Variants in SLC22A23 observed in about 807,000 individuals in gnomAD.
SLC22A23 encodes the protein ion transporter protein.
SLC22A23 carries 26 observed loss-of-function variants against 61.0 expected under a neutral mutation model. The ratio of observed to expected loss-of-function variants is 0.43; its 90% CI spans 0.31 to 0.59. The LOEUF is 0.59. Among genes scored for constraint, SLC22A23 ranks in the 20% least tolerant of loss-of-function variants. The pLI, the probability that SLC22A23 is intolerant of heterozygous loss-of-function variation, is 0.11. For synonymous variants in SLC22A23, 430 were observed against 413.9 expected, an observed-to-expected ratio of 1.04 and a Z score of -0.47; for missense variants, 796 against 934.7, an observed-to-expected ratio of 0.85 and a Z score of 1.94.
Position 3,410,181 on chromosome 6 carries a change from T to C in SLC22A23, c.913+7A>G. ...TTTCAAGACTAGTCGTGAAGGCTCC[T>C]ACTTACGTAAAGCATACAAGGTGAG... On this transcript the variant is annotated splice_region_variant and intron_variant, in intron 3 of 9. Transcript: ENST00000406686. The surrounding 1 kb of genome is among the most constrained non-coding windows in gnomAD (Gnocchi z 5.0). The C allele has an allele frequency of 6.2e-7, 1 of 1,605,618 alleles. No individual in the cohort carries two copies. Among genetic ancestry groups the C allele is most frequent in the Non-Finnish European group, 8.5e-7 (1 of 1,176,958 alleles).
Position 3,286,023 on chromosome 6 carries a change from G to C in SLC22A23, c.1546+836C>G, listed in dbSNP as rs1001189275. ...ATGCTGTGGTGGTTTGTCCATACAC[G>C]GGAATGGGTATTTGTTGGTGAGGAG... is the stretch of plus-strand genomic sequence containing the variant. On this transcript the variant is annotated intron_variant, in intron 7 of 9. Transcript: ENST00000406686. The surrounding 1 kb of genome is among the most constrained non-coding windows in gnomAD (Gnocchi z 4.2). Among the ~76,000 whole-genome samples, 1 of 152,136 alleles carries C rather than the reference G, an allele frequency of 6.6e-6. No homozygotes were observed. Among genetic ancestry groups the C allele is most frequent in the Non-Finnish European group, 1.5e-5 (1 of 68,012 alleles).
chr6:3,415,205 C>T (rs1186722227), intron 2 of SLC22A23, among the ~76,000 whole-genome samples: 2 of 152,182 alleles, frequency 1.3e-5, no homozygotes, highest in East Asian at 1.9e-4. Flanking sequence ...GCCCACAGCG[C>T]CCATCTGTAT....
intron 5 of SLC22A23, among the ~76,000 whole-genome samples, chr6:3,295,253 C>T (rs986235019): frequency 3.3e-5 from 5 of 152,202 alleles, no homozygotes; most frequent in Non-Finnish European, 7.3e-5. Context: ...GAAGTTGTAA[C>T]AGTGAATAAC....
At chr6:3,376,883 T>C (rs1766604827) in intron 3 of SLC22A23, among the ~76,000 whole-genome samples, 1 of 151,944 alleles carries the variant, frequency 6.6e-6, no homozygotes. Flanking sequence ...TCTGAGTTGG[T>C]CCCTGAGAAA....
chr6:3,326,845 C>T (rs1159120213), intron 3 of SLC22A23, among the ~76,000 whole-genome samples: 2 of 152,226 alleles, frequency 1.3e-5, no homozygotes, highest in African/African-American at 4.8e-5. Flanking sequence ...GATTAAGAAA[C>T]TGCAGGCACT....
intron 3 of SLC22A23, among the ~76,000 whole-genome samples, chr6:3,346,307 C>A (rs1316990227): frequency 1.3e-5 from 2 of 152,150 alleles, no homozygotes; most frequent in Non-Finnish European, 2.9e-5. Context: ...GCTGCAATCA[C>A]CCCTGCCCCT....
At chr6:3,400,295 A>C (rs1451609594) in intron 3 of SLC22A23, among the ~76,000 whole-genome samples, 1 of 152,182 alleles carries the variant, frequency 6.6e-6, no homozygotes, top group African/African-American at 2.4e-5. Context: ...CCCACCCACC[A>C]GTTATTCTGC....
At chr6:3,361,809 C>T (rs770861651) in intron 3 of SLC22A23, among the ~76,000 whole-genome samples, 11 of 152,216 alleles carry the variant, frequency 7.2e-5, no homozygotes, top group South Asian at 2.1e-4. Context: ...AAGGCCTCCA[C>T]GGCTGGGACA....
chr6:3,356,423 G>T lies in SLC22A23; in HGVS notation c.914-32421C>A, dbSNP rs544047164. Among the ~76,000 whole-genome samples the T allele has an allele frequency of 2.6e-5, 4 of 152,038 alleles. No homozygotes were observed. The East Asian group carries it at 7.8e-4, about 30-fold the overall frequency. On this transcript the variant is annotated intron_variant, in intron 3 of 9. Coordinates refer to ENST00000406686, the MANE Select transcript of SLC22A23 (RefSeq NM_015482.2). The stretch of plus-strand genomic sequence containing the variant: ...AGAGATGGCAGCGACCTCATCCAAG[G>T]GGCAGGGGAAGCCTCAGAGGAGTGA...
At chr6:3,343,007 T>C (rs1764234780) in intron 3 of SLC22A23, among the ~76,000 whole-genome samples, 1 of 152,188 alleles carries the variant, frequency 6.6e-6, no homozygotes, top group African/African-American at 2.4e-5. Context: ...AGGTTTGTTT[T>C]AGTAAGGTGT....
intron 1 of SLC22A23, among the ~76,000 whole-genome samples, chr6:3,424,045 C>A (rs1770317619): frequency 6.6e-6 from 1 of 152,142 alleles, no homozygotes; most frequent in Admixed American, 6.5e-5. Context: ...TGTAACAGGA[C>A]CCTGTTACAT....
rs968635412 is a variant in SLC22A23, at chr6:3,286,335, C to G, written c.1546+524G>C. Reference sequence around the variant, plus strand: ...TCAGGCTGGTTTGAACTCCTGACCTCATGATCCGACCGCCTCAGCCTCCCA... The same window carrying G: ...TCAGGCTGGTTTGAACTCCTGACCTGATGATCCGACCGCCTCAGCCTCCCA... On this transcript the variant is annotated intron_variant, in intron 7 of 9. Transcript: ENST00000406686. The surrounding 1 kb of genome is among the most constrained non-coding windows in gnomAD (Gnocchi z 4.2). Among the ~76,000 whole-genome samples, 1 of 152,106 alleles carries G rather than the reference C, an allele frequency of 6.6e-6. No individual in the cohort carries two copies. Among genetic ancestry groups the G allele is most frequent in the African/African-American group, 2.4e-5 (1 of 41,424 alleles).
rs1271931850 is a variant in SLC22A23 at position 3,362,637 on chromosome 6, C to G, written c.914-38635G>C. On this transcript the variant is annotated intron_variant, in intron 3 of 9. Coordinates refer to ENST00000406686, the MANE Select transcript of SLC22A23 (RefSeq NM_015482.2). ...AGCAAGGTAACAAAGGAATGGAACT[C>G]TGGGGCCAGGCAGAACCCCCAAGAT... Among the ~76,000 whole-genome samples the G allele has an allele frequency of 2.6e-5, 4 of 151,934 alleles. No individual in the cohort carries two copies. The East Asian group carries it at 7.7e-4, about 29-fold the overall frequency.
chr6:3,388,617 C>A (rs1767458487), intron 3 of SLC22A23, among the ~76,000 whole-genome samples: 1 of 152,124 alleles, frequency 6.6e-6, no homozygotes, highest in Non-Finnish European at 1.5e-5. Context: ...TTCATAGCAG[C>A]GTTATTCACA....
rs754070162 is a variant in SLC22A23 at position 3,287,069 on chromosome 6, G to T, written c.1336C>A (p.His446Asn). 5.0e-6 allele frequency: 8 copies of T among 1,614,084 alleles called. No individual in the cohort carries two copies. The highest frequency in any genetic ancestry group is 1.7e-6 in the Non-Finnish European group (2 of 1,180,038). ...VNSLTGYGIH[H>N]CFARSMMGHE... ...CCCATCATGCTCCTGGCAAAGCAGT[G>T]GTGGATCCCGTACCCCGTCAGCCTG... is the stretch of plus-strand genomic sequence containing the variant. The change falls in exon 7 of 10, where the codon CAC (histidine) becomes AAC (asparagine). Residue 446 changes from histidine (H) to asparagine (N), a missense_variant. Coordinates refer to ENST00000406686, the MANE Select transcript of SLC22A23 (RefSeq NM_015482.2).
chr6:3,447,538 C>T (rs554181548), intron 1 of SLC22A23, among the ~76,000 whole-genome samples: 1 of 151,486 alleles, frequency 6.6e-6, no homozygotes, highest in South Asian at 2.1e-4. Flanking sequence ...CAGCTCAGAA[C>T]AGGCACTCAA....
At chr6:3,416,191 A>G (rs1256160720) in intron 1 of SLC22A23, among the ~76,000 whole-genome samples, 1 of 152,246 alleles carries the variant, frequency 6.6e-6, no homozygotes, top group Non-Finnish European at 1.5e-5. Context: ...GGCATCCCTG[A>G]GGACCAGTGG....
At chr6:3,438,373 G>T in intron 1 of SLC22A23, 1 of 373,640 alleles carries the variant, frequency 2.7e-6, no homozygotes, top group African/African-American at 2.1e-5. Flanking sequence ...GCCTGCCTTG[G>T]CACAGGTAGC....
chr6:3,345,265 T>C (rs997699259), intron 3 of SLC22A23, among the ~76,000 whole-genome samples: 1 of 152,086 alleles, frequency 6.6e-6, no homozygotes, highest in Non-Finnish European at 1.5e-5. Flanking sequence ...TTGAGTTTTA[T>C]ATAGTCCATC....
Sources: allele counts gnomAD v4.1 joint callset (sites outside exome capture counted in the v4.1 genomes callset), GRCh38; gene constraint gnomAD v4.1.1; non-coding constraint Gnocchi (gnomAD v3.1); transcripts MANE v1.5; gene names NCBI Gene and HGNC (gene_info 2026-07-23, HGNC 2026-07-21).